Variants in ANKAR observed in about 807,000 individuals in gnomAD.
ANKAR encodes ankyrin and armadillo repeat-containing protein.
Under a neutral mutation model 146.2 loss-of-function variants are expected in ANKAR, and 136 were observed. The ratio of observed to expected loss-of-function variants is 0.93; its 90% confidence interval spans 0.81 to 1.07. The LOEUF (loss-of-function observed/expected upper bound fraction) is 1.07. Among genes scored for constraint, ANKAR ranks in the 50% least tolerant of loss-of-function variants. The pLI is 0.00. For missense variants in ANKAR, 1,567 were observed against 1,679.9 expected (o/e 0.93, Z 1.18); for synonymous variants, 500 against 575.8 (o/e 0.87, Z 1.88).
intron 9 of ANKAR, 102 bp from the exon 10 acceptor site, chr2:189,710,947 C>G (rs2105709741): frequency 1.1e-6 from 1 of 924,394 alleles, no homozygotes. Context: ...TAGTGGTGAC[C>G]TCAACTGTTG....
chr2:189,693,267 G>A (rs2036694587), intron 5 of ANKAR, 90 bp downstream of exon 5: 3 of 803,866 alleles, frequency 3.7e-6, no homozygotes, highest in East Asian at 2.6e-5. Flanking sequence ...AAAGGTTAAT[G>A]TAAACCTTTA....
rs1429814510 is a variant in ANKAR, at chr2:189,707,128, G to C, written c.2101G>C (p.Val701Leu). The C allele has an allele frequency of 1.3e-6, 2 of 1,538,496 alleles. No homozygotes were observed. The highest frequency in any genetic ancestry group is 8.8e-7 in the Non-Finnish European group (1 of 1,142,184). Residue 701 changes from valine to leucine, a missense_variant, in exon 9 of 23, where the codon GTG becomes CTG. By Grantham distance (32) the Val-to-Leu change is conservative. Coordinates refer to ENST00000684021, the MANE Select transcript of ANKAR (RefSeq NM_001378068.1). ...IIKLNIPELP[V>L]WKTLVEMLQC... Reference sequence around the variant, plus strand: ...AAAATTAAATATTCCTGAACTCCCAGTGTGGAAAACTTTGGTAGGTGAGTA... The same window carrying C: ...AAAATTAAATATTCCTGAACTCCCACTGTGGAAAACTTTGGTAGGTGAGTA...
chr2:189,704,080 A>G (rs1460994849), intron 7 of ANKAR, among the ~76,000 whole-genome samples: 1 of 152,106 alleles, frequency 6.6e-6, no homozygotes, highest in Non-Finnish European at 1.5e-5. Flanking sequence ...TTGGCAATAT[A>G]TATTACCAGT....
chr2:189,681,317 T>G (rs2034631714), intron 2 of ANKAR, among the ~76,000 whole-genome samples: 1 of 152,202 alleles, frequency 6.6e-6, no homozygotes, highest in Non-Finnish European at 1.5e-5. Context: ...GGAGCACATG[T>G]CCTGTTGTGT....
At chr2:189,716,639 C>G (rs1435841397) in intron 10 of ANKAR, among the ~76,000 whole-genome samples, 2 of 152,180 alleles carry the variant, frequency 1.3e-5, no homozygotes, top group African/African-American at 4.8e-5. Context: ...CAAGACAATC[C>G]TAGGCAAAAA....
intron 22 of ANKAR, among the ~76,000 whole-genome samples, chr2:189,746,114 TA>T (rs1366753451): frequency 6.6e-6 from 1 of 152,340 alleles, no homozygotes; most frequent in East Asian, 1.9e-4. Flanking sequence ...ACACTTTTTT[TA>T]GTATTAAAAT....
At chr2:189,741,309 A>G (rs745380913) in intron 19 of ANKAR, 33 bp from the exon 20 acceptor site, 17 of 1,510,072 alleles carry the variant, frequency 1.1e-5, no homozygotes, top group Middle Eastern at 1.8e-4. Flanking sequence ...TATCAATTAA[A>G]TAACACAAGC....
chr2:189,676,504 C>A lies in ANKAR; in HGVS notation c.14C>A (p.Pro5His). 6.5e-7 allele frequency: 1 copy of A among 1,545,962 alleles called. No homozygotes were observed. Among genetic ancestry groups the A allele is most frequent in the South Asian group, 1.2e-5 (1 of 86,044 alleles). The change falls in exon 2 of 23, where the codon CCC becomes CAC. Residue 5 changes from proline (P) to histidine (H), a missense_variant. Transcript: ENST00000684021. ...ATTTAATTAGAAATGTTAAGATTGC[C>A]CAAAAAAGGATTACCTAGATTTGAG... MLRL[P>H]KKGLPRFEQV...
Position 189,746,562 on chromosome 2 carries a change from A to C in ANKAR, c.4240A>C (p.Ile1414Leu). Reference sequence around the variant, plus strand: ...TATCACAAATGTATCAAGACCAAGAATAGTGTGTTTGAACCAACTTGGGAA... The same window carrying C: ...TATCACAAATGTATCAAGACCAAGACTAGTGTGTTTGAACCAACTTGGGAA... ...SDITNVSRPR[I>L]VCLNQLGKHV... The change falls in exon 23 of 23, where the codon ATA becomes CTA. Residue 1414 changes from isoleucine to leucine, a missense_variant. By Grantham distance (5) the Ile-to-Leu change is conservative. Transcript: ENST00000684021. 1 of 1,613,800 alleles carries C rather than the reference A, an allele frequency of 6.2e-7. No homozygotes were observed. Among genetic ancestry groups the C allele is most frequent in the Non-Finnish European group, 8.5e-7 (1 of 1,179,856 alleles).
intron 17 of ANKAR, among the ~76,000 whole-genome samples, chr2:189,734,554 G>C (rs1355209376): frequency 1.3e-5 from 2 of 152,148 alleles, no homozygotes; most frequent in Non-Finnish European, 2.9e-5. Context: ...TCACAACCAG[G>C]AAGAAAATTG....
Position 189,737,811 on chromosome 2 carries a change from T to G in ANKAR, c.3552T>G (p.Val1184=). Residue 1184 remains valine, a synonymous_variant, in exon 18 of 23, where the codon GTT becomes GTG. Transcript: ENST00000684021. ...TTGAACGTTTTCTTGAATCAACAGTTGAAACTGAGAAGGCAATGGCAGCAT... is the reference window on the plus strand; with the variant it reads ...TTGAACGTTTTCTTGAATCAACAGTGGAAACTGAGAAGGCAATGGCAGCAT... ...SIFERFLEST[V]ETEKAMAAFQ... is the part of the protein sequence containing the mutation. 1 of 1,574,078 alleles carries G rather than the reference T, an allele frequency of 6.4e-7. No individual in the cohort carries two copies. Among genetic ancestry groups the G allele is most frequent in the Non-Finnish European group, 8.6e-7 (1 of 1,166,644 alleles).
At chr2:189,747,179 T>C (rs1349132096), downstream of ANKAR, 2 of 151,890 alleles carry the variant, frequency 1.3e-5, no homozygotes, top group African/African-American at 4.8e-5. Flanking sequence ...CTACAAAAAA[T>C]AGAAATAAAG....
chr2:189,675,817 C>T (rs2105708285), intron 1 of ANKAR, among the ~76,000 whole-genome samples: 1 of 152,062 alleles, frequency 6.6e-6, no homozygotes, highest in East Asian at 1.9e-4. Context: ...GGGGGTGGAT[C>T]CCTCATGAAT....
rs775864649 is a variant in ANKAR at position 189,692,384 on chromosome 2, C to A, written c.1169C>A (p.Thr390Asn). The A allele has an allele frequency of 6.2e-7, 1 of 1,612,710 alleles. No homozygotes were observed. The highest frequency in any genetic ancestry group is 8.5e-7 in the Non-Finnish European group (1 of 1,179,598). ...GGAGGAATTGAATTTGATATCAGCA[C>A]CCCTTCAATTGAGAATGCCTTGGAA... ...VHGGIEFDIS[T>N]PSIENALEDF... Residue 390 changes from threonine to asparagine, a missense_variant, in exon 4 of 23, where the codon ACC becomes AAC. Transcript: ENST00000684021.
intron 18 of ANKAR, 142 bp downstream of exon 18, chr2:189,737,983 A>C: frequency 4.2e-6 from 3 of 710,472 alleles, no homozygotes; most frequent in Non-Finnish European, 6.4e-6. Context: ...CTTCTACCTC[A>C]TAAAAACTCC....
chr2:189,713,596 A>C (rs1001701291), intron 10 of ANKAR, among the ~76,000 whole-genome samples: 2 of 152,206 alleles, frequency 1.3e-5, no homozygotes, highest in Non-Finnish European at 2.9e-5. Flanking sequence ...CCTGCCTTAC[A>C]AGAGCTCCTG....
chr2:189,722,862 CAGAG>C (rs1209635168), intron 12 of ANKAR, among the ~76,000 whole-genome samples: 1 of 143,788 alleles, frequency 7.0e-6, no homozygotes, highest in South Asian at 2.2e-4. Context: ...AGCCTGGCAA[CAGAG>C]AGAGACACTG....
chr2:189,735,098 T>G (rs752254872), intron 17 of ANKAR, among the ~76,000 whole-genome samples: 2 of 151,896 alleles, frequency 1.3e-5, no homozygotes, highest in African/African-American at 2.4e-5. Context: ...AGCCACCTTT[T>G]GCCCCTCTAC....
intron 2 of ANKAR, among the ~76,000 whole-genome samples, chr2:189,684,291 T>C (rs188408368): frequency 6.6e-6 from 1 of 152,110 alleles, no homozygotes; most frequent in East Asian, 1.9e-4. Context: ...ACTTTCTTCC[T>C]AGGGTTATTG....
Sources: gnomAD v4.1 joint callset for allele counts (sites outside exome capture counted in the v4.1 genomes callset) on GRCh38, gnomAD v4.1.1 for gene constraint, MANE v1.5 for transcripts, NCBI Gene and HGNC (gene_info 2026-07-23, HGNC 2026-07-21) for gene names.